Variants in MIR2052HG observed in about 807,000 individuals in gnomAD.
MIR2052HG encodes MIR2052 host gene.
At chr8:74,736,054 A>C (rs987960226) in intron 4 of MIR2052HG, among the ~76,000 whole-genome samples, 5 of 152,216 alleles carry the variant, frequency 3.3e-5, no homozygotes, top group Non-Finnish European at 5.9e-5. Context: ...GACAGAAGTT[A>C]TGAAAAATGT....
intron 2 of MIR2052HG, among the ~76,000 whole-genome samples, chr8:74,631,954 A>T (rs1015851485): frequency 1.3e-5 from 2 of 152,182 alleles, no homozygotes; most frequent in Non-Finnish European, 2.9e-5. Context: ...TTCCCCAAAG[A>T]TCCCACCTCT....
In MIR2052HG at chr8:74,639,905, G is replaced by A. The variant is rs548557068; in HGVS notation, n.216+26965G>A. Among the ~76,000 whole-genome samples, 124 of 152,030 alleles carry A rather than the reference G, an allele frequency of 8.2e-4. 3 individuals carry two copies. In the South Asian group the frequency reaches 0.025, roughly 30 times the overall value. ...ACTAGTCTGCAAGTGGAATGACATC[G>A]TTACACACTGGTATTCCCTTTTTCC... On this transcript the variant is annotated intron_variant and non_coding_transcript_variant, in intron 2 of 6. Transcript: ENST00000523442.
chr8:74,618,136 C>T (rs150064962), intron 2 of MIR2052HG, among the ~76,000 whole-genome samples: 28 of 152,302 alleles, frequency 1.8e-4, no homozygotes, highest in African/African-American at 6.5e-4. Context: ...AATTCCATCG[C>T]TTTAAGCACT....
In MIR2052HG at chr8:74,727,718, A is replaced by G. The variant is rs139062954; in HGVS notation, n.371+24036A>G. On this transcript the variant is annotated intron_variant and non_coding_transcript_variant, in intron 4 of 6. Coordinates refer to ENST00000523442, the Ensembl canonical transcript of MIR2052HG. ...GACTTGGTTAGCTACTGAAATCAAG[A>G]ATCCTTTAAACCAAGAGAAAAGGAG... Among the ~76,000 whole-genome samples, 23 of 152,338 alleles carry G rather than the reference A, an allele frequency of 1.5e-4. 1 individual carries two copies. The highest frequency in any genetic ancestry group is 5.5e-4 in the African/African-American group (23 of 41,574).
In MIR2052HG at chr8:74,617,390, G is replaced by A. The variant is rs565809655; in HGVS notation, n.216+4450G>A. On this transcript the variant is annotated intron_variant and non_coding_transcript_variant, in intron 2 of 6. Transcript: ENST00000523442. ...ATTTTACTTAGGATAATGGCCTCAA[G>A]TTCCATCCATGCTGCTACAAAAGAC... Among the ~76,000 whole-genome samples, 5 of 152,006 alleles carry A rather than the reference G, an allele frequency of 3.3e-5. No homozygotes were observed. In the South Asian group the frequency reaches 1.0e-3, roughly 32 times the overall value.
chr8:74,636,014 CTG>C (rs1258321461), intron 2 of MIR2052HG, among the ~76,000 whole-genome samples: 1 of 152,150 alleles, frequency 6.6e-6, no homozygotes, highest in Admixed American at 6.6e-5. Context: ...ATCTCTGTTT[CTG>C]TGTCAGGCCC....
chr8:74,608,968 A>G (rs972852903), intron 1 of MIR2052HG, among the ~76,000 whole-genome samples: 2 of 152,026 alleles, frequency 1.3e-5, no homozygotes, highest in African/African-American at 2.4e-5. Context: ...AGCAGAAATT[A>G]ATGAATGAGA....
chr8:74,670,735 C>T lies in MIR2052HG; in HGVS notation n.217-31644C>T, dbSNP rs577522227. On this transcript the variant is annotated intron_variant and non_coding_transcript_variant, in intron 2 of 6. Coordinates refer to ENST00000523442, the Ensembl canonical transcript of MIR2052HG. ...ATCAGACATTGATAAAACAAGCCAA[C>T]TGGGAGAAATGTTGAAAAATTTCTA... Among the ~76,000 whole-genome samples, 7 of 152,160 alleles carry T rather than the reference C, an allele frequency of 4.6e-5. No individual in the cohort carries two copies. The South Asian group carries it at 1.5e-3, about 32-fold the overall frequency.
At chr8:74,666,521 C>T (rs1808925808) in intron 2 of MIR2052HG, among the ~76,000 whole-genome samples, 1 of 152,068 alleles carries the variant, frequency 6.6e-6, no homozygotes, top group African/African-American at 2.4e-5. Context: ...GAGATCAGCC[C>T]CTCATCCCCT....
intron 2 of MIR2052HG, among the ~76,000 whole-genome samples, chr8:74,677,074 CTTAAAG>C (rs371037961): frequency 2.6e-5 from 4 of 152,008 alleles, no homozygotes; most frequent in Middle Eastern, 3.4e-3. Flanking sequence ...ACAAAATATG[CTTAAAG>C]TTAAAAGCAT....
At chr8:74,635,570 G>A (rs1808573026) in intron 2 of MIR2052HG, among the ~76,000 whole-genome samples, 1 of 152,136 alleles carries the variant, frequency 6.6e-6, no homozygotes, top group Non-Finnish European at 1.5e-5. Flanking sequence ...AATAAAGTTC[G>A]AAATTCAAAC....
intron 4 of MIR2052HG, among the ~76,000 whole-genome samples, chr8:74,730,286 C>T (rs269178): frequency 0.38 from 57,488 of 152,068 alleles, 13,364 homozygotes; most frequent in African/African-American, 0.66. Context: ...CAGGATCCAG[C>T]CACATGCCCT....
intron 2 of MIR2052HG, among the ~76,000 whole-genome samples, chr8:74,677,818 G>A (rs1809070970): frequency 6.6e-6 from 1 of 151,898 alleles, no homozygotes; most frequent in African/African-American, 2.4e-5. Flanking sequence ...AAAGAATAAT[G>A]GCTATAGTAA....
intron 2 of MIR2052HG, among the ~76,000 whole-genome samples, chr8:74,693,235 TAC>T (rs2128740102): frequency 6.6e-6 from 1 of 152,282 alleles, no homozygotes; most frequent in African/African-American, 2.4e-5. Flanking sequence ...CCAAGTGAAA[TAC>T]ATGGCTAGAA....
At chr8:74,660,379 C>G (rs553331011) in intron 2 of MIR2052HG, among the ~76,000 whole-genome samples, 25 of 152,316 alleles carry the variant, frequency 1.6e-4, no homozygotes, top group African/African-American at 5.8e-4. Context: ...ACCACTCAAA[C>G]CTATGACTAG....
intron 4 of MIR2052HG, among the ~76,000 whole-genome samples, chr8:74,748,295 CAGAAAATAGTGTTCTTGGTCT>C (rs1407599315): frequency 6.6e-5 from 10 of 152,254 alleles, no homozygotes; most frequent in Non-Finnish European, 1.2e-4. Context: ...GGAGTAAGTT[CAGAAAATAGTGTTCTTGGTCT>C]AGTAAAAGTC....
intron 4 of MIR2052HG, among the ~76,000 whole-genome samples, chr8:74,728,782 A>G (rs1809661059): frequency 6.6e-6 from 1 of 152,200 alleles, no homozygotes; most frequent in Admixed American, 6.5e-5. Context: ...GCAAAAAGTC[A>G]GAGTTAGTAG....
intron 2 of MIR2052HG, among the ~76,000 whole-genome samples, chr8:74,682,294 G>A (rs549514958): frequency 2.0e-5 from 3 of 152,166 alleles, no homozygotes; most frequent in South Asian, 4.2e-4. Context: ...CAAGAAGAAA[G>A]ATTGATTTAC....
chr8:74,649,701 G>C (rs547974651), intron 2 of MIR2052HG, among the ~76,000 whole-genome samples: 2 of 151,948 alleles, frequency 1.3e-5, no homozygotes, highest in Non-Finnish European at 2.9e-5. Flanking sequence ...TACCTATTTA[G>C]TGTCACTGTG....
Sources: gnomAD v4.1 joint callset for allele counts (sites outside exome capture counted in the v4.1 genomes callset) on GRCh38, gnomAD v4.1.1 for gene constraint, MANE v1.5 for transcripts, NCBI Gene and HGNC (gene_info 2026-07-23, HGNC 2026-07-21) for gene names.